CCDC57: variants seen among roughly 807,000 people sequenced by gnomAD.
CCDC57 encodes the protein coiled-coil domain containing 57.
In CCDC57, 118 loss-of-function variants were observed where a neutral mutation model predicts 118.9. The ratio of observed to expected loss-of-function variants is 0.99; its 90% CI spans 0.86 to 1.16. CCDC57 has a LOEUF of 1.16. CCDC57 is among the 50% of genes most tolerant of loss of function. CCDC57 has a pLI of 0.00. For synonymous variants in CCDC57, 527 were observed against 532.9 expected, an observed-to-expected ratio of 0.99 and a Z score of 0.15; for missense variants, 1,300 against 1,320.7, an observed-to-expected ratio of 0.98 and a Z score of 0.24.
chr17:82,193,474 G>A (rs2047917984), intron 7 of CCDC57, among the ~76,000 whole-genome samples: 1 of 151,924 alleles, frequency 6.6e-6, no homozygotes, highest in South Asian at 2.1e-4. Context: ...TTGAACCCGG[G>A]AGGGGAGGAT....
intron 9 of CCDC57, among the ~76,000 whole-genome samples, chr17:82,180,184 G>A (rs937162794): frequency 6.6e-6 from 1 of 152,244 alleles, no homozygotes; most frequent in East Asian, 1.9e-4. Context: ...ACGCCGCTAG[G>A]GTGCAGAGTG....
At chr17:82,127,263 C>T (rs1425059695) in intron 19 of CCDC57, 1 of 985,164 alleles carries the variant, frequency 1.0e-6, no homozygotes, top group East Asian at 1.1e-4. Flanking sequence ...CCTGGCTCTT[C>T]CCCGGGAGCA....
intron 16 of CCDC57, among the ~76,000 whole-genome samples, chr17:82,148,533 A>G (rs1211010737): frequency 4.1e-5 from 2 of 48,744 alleles, no homozygotes; most frequent in Non-Finnish European, 7.5e-5. Context: ...GAATGGATGA[A>G]TGGGTGGGTG....
intron 17 of CCDC57, among the ~76,000 whole-genome samples, chr17:82,130,069 C>T (rs746624980): frequency 2.6e-5 from 4 of 151,864 alleles, no homozygotes; most frequent in African/African-American, 9.7e-5. Context: ...GGTGTGATGG[C>T]ACACACCTGT....
chr17:82,168,970 C>T (rs1420232889), intron 13 of CCDC57, among the ~76,000 whole-genome samples: 1 of 152,142 alleles, frequency 6.6e-6, no homozygotes, highest in African/African-American at 2.4e-5. Context: ...AAAAACTCAA[C>T]CTAAAAAAGT....
At chr17:82,162,156 C>T (rs1476094143) in intron 14 of CCDC57, among the ~76,000 whole-genome samples, 1 of 152,036 alleles carries the variant, frequency 6.6e-6, no homozygotes, top group Non-Finnish European at 1.5e-5. Context: ...CCCGCCACCA[C>T]TCCCGGCTAA....
chr17:82,151,566 G>T (rs370994979), exon 16 of CCDC57: 1 of 1,550,182 alleles, frequency 6.5e-7, no homozygotes, highest in Non-Finnish European at 8.7e-7. Flanking sequence ...TCACTTTCGG[G>T]TCGGCCCAGC....
exon 20 of CCDC57, chr17:82,101,695 T>C: frequency 6.2e-7 from 1 of 1,606,490 alleles, no homozygotes; most frequent in Non-Finnish European, 8.5e-7. Context: ...GTCCATAATG[T>C]TGTAGTTACG....
At chr17:82,128,829 G>A (rs969057255) in intron 17 of CCDC57, among the ~76,000 whole-genome samples, 6 of 152,170 alleles carry the variant, frequency 3.9e-5, no homozygotes, top group African/African-American at 1.4e-4. Context: ...GGCCAGGGCA[G>A]CCTATGCATG....
At chr17:82,211,347 C>T (rs1197967029) in intron 1 of CCDC57, among the ~76,000 whole-genome samples, 3 of 152,134 alleles carry the variant, frequency 2.0e-5, no homozygotes, top group Non-Finnish European at 2.9e-5. Context: ...TCCTGGACCA[C>T]GGTAAAGTCA....
At chr17:82,150,658 C>T (rs368629655) in intron 16 of CCDC57, among the ~76,000 whole-genome samples, 2 of 58,878 alleles carry the variant, frequency 3.4e-5, no homozygotes, top group African/African-American at 6.8e-5. Context: ...CAGAACCAGG[C>T]GCACACCCAG....
intron 19 of CCDC57, among the ~76,000 whole-genome samples, chr17:82,116,364 G>A (rs1181159038): frequency 6.6e-6 from 1 of 151,942 alleles, no homozygotes; most frequent in Non-Finnish European, 1.5e-5. Flanking sequence ...GCATGGCAGG[G>A]ACCGCCTCCA....
intron 16 of CCDC57, among the ~76,000 whole-genome samples, chr17:82,148,125 A>G (rs897462656): frequency 2.6e-5 from 2 of 75,794 alleles, no homozygotes; most frequent in Non-Finnish European, 4.7e-5. Context: ...TTGGATGGTT[A>G]GATGGATGGA....
chr17:82,163,477 C>T, intron 13 of CCDC57, 120 bp from the exon 13 acceptor site: 1 of 1,208,600 alleles, frequency 8.3e-7, no homozygotes, highest in Non-Finnish European at 1.1e-6. Flanking sequence ...AGCGGCTGAC[C>T]CCAATGCGAA....
intron 16 of CCDC57, among the ~76,000 whole-genome samples, chr17:82,144,545 G>A (rs941734133): frequency 3.3e-5 from 5 of 151,522 alleles, no homozygotes; most frequent in African/African-American, 9.7e-5. Flanking sequence ...CCTTGTGTCC[G>A]ATCAACTGCT....
At chr17:82,150,765 G>A (rs2041857745) in intron 16 of CCDC57, among the ~76,000 whole-genome samples, 1 of 82,894 alleles carries the variant, frequency 1.2e-5, no homozygotes, top group Non-Finnish European at 2.3e-5. Context: ...CCAGAACCAG[G>A]CGCACACTCA....
chr17:82,185,759 T>C (rs1382825171), intron 8 of CCDC57, among the ~76,000 whole-genome samples: 1 of 152,028 alleles, frequency 6.6e-6, no homozygotes, highest in African/African-American at 2.4e-5. Flanking sequence ...CTCATGCCTA[T>C]AATCCCAGCA....
At chr17:82,124,891 C>T (rs1046225902) in intron 19 of CCDC57, among the ~76,000 whole-genome samples, 1 of 152,106 alleles carries the variant, frequency 6.6e-6, no homozygotes, top group South Asian at 2.1e-4. Context: ...CGAATGAACA[C>T]GAACGTCTCC....
intron 13 of CCDC57, among the ~76,000 whole-genome samples, chr17:82,166,325 C>T (rs2043977940): frequency 7.1e-6 from 1 of 141,336 alleles, no homozygotes; most frequent in Non-Finnish European, 1.5e-5. Context: ...GCCTGGGCAA[C>T]ATAGTGAAAC....
Sources: allele counts gnomAD v4.1 joint callset (sites outside exome capture counted in the v4.1 genomes callset), GRCh38; gene constraint gnomAD v4.1.1; transcripts MANE v1.5; gene names NCBI Gene and HGNC (gene_info 2026-07-23, HGNC 2026-07-21).